The following PLEKHG4B variants were observed in gnomAD, a reference collection of about 807,000 sequenced individuals.
PLEKHG4B encodes the protein pleckstrin homology and RhoGEF domain containing G4B, also known as pleckstrin homology domain-containing family G member 4B.
A neutral mutation model predicts 121.3 loss-of-function variants in PLEKHG4B; 111 were observed. That is an observed-to-expected ratio of 0.92 (90% CI 0.78 to 1.07). PLEKHG4B has a LOEUF of 1.07. Ranked by LOEUF, PLEKHG4B falls within the 50% of genes least tolerant of loss-of-function variation. The pLI is 0.00. For synonymous variants in PLEKHG4B, 738 were observed against 725.0 expected, an observed-to-expected ratio of 1.02 and a Z score of -0.29; for missense variants, 1,831 against 1,757.8, an observed-to-expected ratio of 1.04 and a Z score of -0.74.
At chr5:173,882 C>A in intron 17 of PLEKHG4B, 36 bp from the exon 18 acceptor site, 1 of 1,601,070 alleles carries the variant, frequency 6.2e-7, no homozygotes, top group South Asian at 1.1e-5. Flanking sequence ...AGACCATGTT[C>A]CTGATGGTGC....
chr5:181,923 G>C, intron 19 of PLEKHG4B, 81 bp from the exon 20 acceptor site: 1 of 1,487,476 alleles, frequency 6.7e-7, no homozygotes, highest in Non-Finnish European at 9.3e-7. Context: ...CGGCCTTTCA[G>C]ACGGCTCTGA....
chr5:101,898 T>C (rs563947220), intron 1 of PLEKHG4B, among the ~76,000 whole-genome samples: 2 of 73,972 alleles, frequency 2.7e-5, no homozygotes, highest in African/African-American at 1.1e-4. Flanking sequence ...GGAGAGACTG[T>C]TGTGAGGTAA....
chr5:107,159 C>G (rs1320596596), intron 1 of PLEKHG4B, among the ~76,000 whole-genome samples: 1 of 152,226 alleles, frequency 6.6e-6, no homozygotes, highest in Admixed American at 6.5e-5. Flanking sequence ...GCTCCAGGTC[C>G]TGCCCATCTC....
intron 2 of PLEKHG4B, among the ~76,000 whole-genome samples, chr5:135,725 A>ATG (rs1553985258): frequency 4.6e-4 from 50 of 108,584 alleles, no homozygotes; most frequent in Non-Finnish European, 7.0e-4. Flanking sequence ...ATATATATAT[A>ATG]TATGTATGTC....
At chr5:131,237 T>A (rs770499483) in intron 2 of PLEKHG4B, among the ~76,000 whole-genome samples, 52 of 152,084 alleles carry the variant, frequency 3.4e-4, no homozygotes, top group Non-Finnish European at 7.1e-4. Flanking sequence ...ATTAAGTATT[T>A]CTCCTAATGC....
intron 13 of PLEKHG4B, among the ~76,000 whole-genome samples, chr5:166,572 G>A (rs1435648820): frequency 1.3e-5 from 2 of 151,774 alleles, no homozygotes; most frequent in African/African-American, 4.8e-5. Context: ...TGACGGGGCG[G>A]GGCTCACACT....
intron 1 of PLEKHG4B, among the ~76,000 whole-genome samples, chr5:108,661 CAGACTGGGTGCAGATGGCTGGTGT>C (rs1734047257): frequency 6.6e-5 from 9 of 135,452 alleles, no homozygotes; most frequent in African/African-American, 2.5e-4. Flanking sequence ...TGGGTGTAGA[CAGACTGGGTGCAGATGGCTGGTGT>C]AGACTGAGTG....
Position 99,310 on chromosome 5 carries a change from C to T in PLEKHG4B, c.45+7034C>T, listed in dbSNP as rs369249533. 8.0e-5 allele frequency among the ~76,000 whole-genome samples: 12 copies of T among 150,802 alleles called. No homozygotes were observed. The East Asian group carries it at 2.1e-3, about 27-fold the overall frequency. On this transcript the variant is annotated intron_variant, in intron 1 of 19. Transcript: ENST00000637938. ...CGTTGCAGTTTTGATAGGGATTGCACTGAATTTATAGATCACTTTAGGTAG... is the reference window on the plus strand; with the variant it reads ...CGTTGCAGTTTTGATAGGGATTGCATTGAATTTATAGATCACTTTAGGTAG...
At chr5:111,928 G>A (rs1033668554) in intron 1 of PLEKHG4B, among the ~76,000 whole-genome samples, 3 of 146,248 alleles carry the variant, frequency 2.1e-5, no homozygotes, top group Admixed American at 1.4e-4. Context: ...GGCCTGAGAC[G>A]GGCCCACTCA....
At position 150,611 on chromosome 5, in the gene PLEKHG4B, G is replaced by T. The variant is rs141119224; in HGVS notation, c.1906-902G>T. Among the ~76,000 whole-genome samples, 3 of 152,232 alleles carry T rather than the reference G, an allele frequency of 2.0e-5. No homozygotes were observed. In the East Asian group the frequency reaches 5.8e-4, roughly 29 times the overall value. On this transcript the variant is annotated intron_variant, in intron 6 of 19. Transcript: ENST00000637938. ...TAAGAAAACAACCCAATAAAATATG[G>T]GAAAGGATTTGAGTACTCTTCACTG...
chr5:113,559 C>G lies in PLEKHG4B; in HGVS notation c.243+111C>G, dbSNP rs1734220127. ...CAGGGCACTGGCTCAGTTCTTTCCTCTGGCTTCTGGCTCCTCCCACCCTCA... is the reference window on the plus strand; with the variant it reads ...CAGGGCACTGGCTCAGTTCTTTCCTGTGGCTTCTGGCTCCTCCCACCCTCA... On this transcript the variant is annotated intron_variant, in intron 2 of 19. Transcript: ENST00000637938. The surrounding 1 kb of genome is among the most constrained non-coding windows in gnomAD (Gnocchi z 5.2). 2 of 398,102 alleles carry G rather than the reference C, an allele frequency of 5.0e-6. No individual in the cohort carries two copies. The highest frequency in any genetic ancestry group is 4.4e-5 in the Admixed American group (1 of 22,740). 24.7% of individuals were successfully genotyped at this position (398,102 alleles called of 1,614,324 possible).
Position 182,094 on chromosome 5 carries a change from C to G in PLEKHG4B, c.4655C>G (p.Thr1552Ser), listed in dbSNP as rs764775176. The change falls in exon 20 of 20, where the codon ACC (threonine) becomes AGC (serine). Residue 1552 changes from threonine to serine, a missense_variant. Coordinates refer to ENST00000637938, the MANE Select transcript of PLEKHG4B (RefSeq NM_052909.5). ...CACTCCACCATCTCAGACAGCAGCA[C>G]CTCCTCTTCTAGCAGCCAGTCCTCC... ...RPHSTISDSSTSSSSSQSSSI... is the reference protein window; with the variant it reads ...RPHSTISDSSSSSSSSQSSSI... 2 of 1,614,170 alleles carry G rather than the reference C, an allele frequency of 1.2e-6. No individual in the cohort carries two copies. The highest frequency in any genetic ancestry group is 1.7e-5 in the Admixed American group (1 of 60,034).
rs1046324287 is a variant in PLEKHG4B, at chr5:182,381, C to T, written c.*58C>T. 1.3e-5 allele frequency: 20 copies of T among 1,498,254 alleles called. No individual in the cohort carries two copies. Among genetic ancestry groups the T allele is most frequent in the East Asian group, 4.9e-5 (2 of 40,440 alleles). 92.8% of individuals were successfully genotyped at this position (1,498,254 alleles called of 1,614,324 possible). A position where few individuals can be genotyped will look rare whatever the true frequency, so the allele number is the denominator to read the frequency against. ...CTAGAACAATACAGAGGGAGCAGCA[C>T]GCCAGGCCTGATGACTCTGGGGGTG... On this transcript the variant is annotated 3_prime_UTR_variant, in exon 20 of 20. Transcript: ENST00000637938.
chr5:177,747 T>A (rs1310063687), intron 18 of PLEKHG4B, among the ~76,000 whole-genome samples: 1 of 152,160 alleles, frequency 6.6e-6, no homozygotes. Context: ...TCCTAAGACT[T>A]TCTGGGCCAG....
rs533662762 is a variant in PLEKHG4B at position 164,550 on chromosome 5, C to T, written c.3476+1002C>T. ...GCTGTGACAGGGGGCGGAGCTCACA[C>T]AGTAATGCTCTGACAGGGGGCGGAG... On this transcript the variant is annotated intron_variant, in intron 13 of 19. Coordinates refer to ENST00000637938, the MANE Select transcript of PLEKHG4B (RefSeq NM_052909.5). 1.9e-3 allele frequency among the ~76,000 whole-genome samples: 229 copies of T among 117,612 alleles called. 24 individuals carry two copies. The highest frequency in any genetic ancestry group is 7.4e-3 in the Admixed American group (93 of 12,592). The allele number at this position is 117,612 out of a possible 152,430, so 77.2% of individuals were successfully genotyped here. A position where few individuals can be genotyped will look rare whatever the true frequency, so the allele number is the denominator to read the frequency against.
Position 134,453 on chromosome 5 carries a change from C to T in PLEKHG4B, c.244-5030C>T, listed in dbSNP as rs1461990533. Among the ~76,000 whole-genome samples the T allele has an allele frequency of 2.0e-5, 3 of 151,776 alleles. No homozygotes were observed. In the South Asian group the frequency reaches 6.2e-4, roughly 32 times the overall value. ...ATGTAACTAAACACCACCTGTTCTC[C>T]GAAACACCTATTGAAATTAAAAAAA... On this transcript the variant is annotated intron_variant, in intron 2 of 19. Coordinates refer to ENST00000637938, the MANE Select transcript of PLEKHG4B (RefSeq NM_052909.5).
intron 2 of PLEKHG4B, among the ~76,000 whole-genome samples, chr5:118,280 G>A (rs139308928): frequency 1.1e-4 from 16 of 152,294 alleles, no homozygotes; most frequent in Admixed American, 3.3e-4. Flanking sequence ...CAGAATTACC[G>A]TAGGAGATTT....
intron 7 of PLEKHG4B, 112 bp from the exon 8 acceptor site, chr5:154,763 T>A: frequency 1.3e-6 from 1 of 791,898 alleles, no homozygotes; most frequent in Non-Finnish European, 2.2e-6. Flanking sequence ...GCAGGGGCGA[T>A]ACTCCTTGAG....
intron 11 of PLEKHG4B, among the ~76,000 whole-genome samples, chr5:160,334 G>T (rs1158932465): frequency 6.6e-6 from 1 of 152,186 alleles, no homozygotes; most frequent in East Asian, 1.9e-4. Context: ...CAGCCTGTGG[G>T]TGTTGACTCT....
Sources: allele counts gnomAD v4.1 joint callset (sites outside exome capture counted in the v4.1 genomes callset), GRCh38; gene constraint gnomAD v4.1.1; non-coding constraint Gnocchi (gnomAD v3.1); transcripts MANE v1.5; gene names NCBI Gene and HGNC (gene_info 2026-07-23, HGNC 2026-07-21).